The following PTK2 variants were observed in gnomAD, a reference collection of about 807,000 sequenced individuals.
PTK2 encodes the protein protein tyrosine kinase 2.
A neutral mutation model predicts 150.1 loss-of-function variants in PTK2; 45 were observed. That is an observed-to-expected ratio of 0.30 (90% CI 0.24 to 0.38). The LOEUF (loss-of-function observed/expected upper bound fraction) is 0.38. Among genes scored for constraint, PTK2 ranks in the 10% least tolerant of loss-of-function variants. The pLI is 1.00. For synonymous variants in PTK2, 432 were observed against 449.2 expected, an observed-to-expected ratio of 0.96 and a Z score of 0.48; for missense variants, 919 against 1,307.3, an observed-to-expected ratio of 0.70 and a Z score of 4.58.
intron 26 of PTK2, 24 bp from the exon 30 acceptor site, chr8:140,686,718 AAAC>A: frequency 1.3e-6 from 2 of 1,597,290 alleles, no homozygotes; most frequent in South Asian, 2.2e-5. Context: ...AACAAAATCA[AAAC>A]AATTTCATTT....
chr8:140,738,782 T>C (rs1270777247), intron 21 of PTK2, among the ~76,000 whole-genome samples: 1 of 150,266 alleles, frequency 6.7e-6, no homozygotes, highest in Non-Finnish European at 1.5e-5. Context: ...AAAGGAAGAG[T>C]GATGGAAGGA....
At chr8:140,919,101 A>G in intron 2 of PTK2, among the ~76,000 whole-genome samples, 1 of 152,184 alleles carries the variant, frequency 6.6e-6, no homozygotes, top group African/African-American at 2.4e-5. Context: ...GACAGCTCCC[A>G]GGTTTTGTCA....
intron 1 of PTK2, among the ~76,000 whole-genome samples, chr8:140,928,040 C>T (rs11781072): frequency 0.44 from 59,683 of 136,400 alleles, 14,547 homozygotes; most frequent in Non-Finnish European, 0.55. Flanking sequence ...TATCCCTCAT[C>T]ATATCTATAT....
At chr8:140,892,282 C>T (rs1301647751) in intron 2 of PTK2, among the ~76,000 whole-genome samples, 1 of 152,204 alleles carries the variant, frequency 6.6e-6, no homozygotes, top group Non-Finnish European at 1.5e-5. Flanking sequence ...TGCCTATAAT[C>T]CCAACACTTT....
chr8:140,661,216 C>T (rs148409572), intron 31 of PTK2, among the ~76,000 whole-genome samples: 20 of 152,232 alleles, frequency 1.3e-4, no homozygotes, highest in African/African-American at 3.9e-4. Context: ...AGGAGAATGA[C>T]AAAATCTAGA....
At position 140,833,129 on chromosome 8, in the gene PTK2, C is replaced by T. The variant is rs772005213; in HGVS notation, c.594-2603G>A. On this transcript the variant is annotated intron_variant, in intron 7 of 31. Coordinates refer to ENST00000522684, the Ensembl canonical transcript of PTK2. ...AGCATATGTTTTTTGAAAATAAAGA[C>T]GAATACTAGGTATTGCTTTTACTTC... 5.2e-5 allele frequency: 26 copies of T among 502,962 alleles called. 1 individual carries two copies. The highest frequency in any genetic ancestry group is 1.1e-4 in the South Asian group (8 of 69,704). The allele number at this position is 502,962 out of a possible 1,614,324, so 31.2% of individuals were successfully genotyped here.
intron 1 of PTK2, among the ~76,000 whole-genome samples, chr8:140,942,985 G>A (rs185122187): frequency 2.4e-4 from 36 of 152,254 alleles, no homozygotes; most frequent in African/African-American, 8.2e-4. Flanking sequence ...CTCTTGCCAT[G>A]TGACGCATCT....
chr8:140,913,206 A>G (rs1325405994), intron 2 of PTK2, among the ~76,000 whole-genome samples: 3 of 152,332 alleles, frequency 2.0e-5, no homozygotes, highest in Admixed American at 2.0e-4. Context: ...TCAGATCACC[A>G]GAACTAATAA....
rs144619323 is a variant in PTK2, at chr8:140,789,266, T to C, written c.1177+208A>G. ...ACTTGCTGAGTGATCTGGTATTTTA[T>C]CTATGTCCCATCTTAAAAAAAAAAA... is the stretch of plus-strand genomic sequence containing the variant. On this transcript the variant is annotated intron_variant, in intron 14 of 31. Coordinates refer to ENST00000522684, the Ensembl canonical transcript of PTK2. 4.5e-3 allele frequency among the ~76,000 whole-genome samples: 680 copies of C among 150,034 alleles called. 4 individuals are homozygous for C. Among genetic ancestry groups the C allele is most frequent in the African/African-American group, 0.016 (644 of 40,724 alleles).
intron 15 of PTK2, among the ~76,000 whole-genome samples, chr8:140,762,047 A>G (rs2100069703): frequency 6.6e-6 from 1 of 152,112 alleles, no homozygotes; most frequent in Non-Finnish European, 1.5e-5. Context: ...GATTTATTTC[A>G]GGTAAGAAAC....
intron 14 of PTK2, among the ~76,000 whole-genome samples, chr8:140,778,705 C>G (rs547981243): frequency 6.6e-6 from 1 of 152,134 alleles, no homozygotes; most frequent in South Asian, 2.1e-4. Context: ...ACGAGTAGGG[C>G]AGAGATGATG....
At chr8:140,736,291 T>C (rs1417809897) in intron 21 of PTK2, among the ~76,000 whole-genome samples, 2 of 152,218 alleles carry the variant, frequency 1.3e-5, no homozygotes, top group Non-Finnish European at 2.9e-5. Flanking sequence ...AAACACTGCA[T>C]GTTCTCACTT....
intron 31 of PTK2, among the ~76,000 whole-genome samples, chr8:140,661,769 G>C (rs960605530): frequency 6.6e-6 from 1 of 152,150 alleles, no homozygotes; most frequent in Non-Finnish European, 1.5e-5. Flanking sequence ...TTAGGACTGA[G>C]GGGAAAGCAG....
intron 2 of PTK2, among the ~76,000 whole-genome samples, chr8:140,922,835 G>A (rs530184295): frequency 1.3e-5 from 2 of 152,272 alleles, no homozygotes; most frequent in South Asian, 4.2e-4. Flanking sequence ...TACGATGCCA[G>A]GGTCTTCACA....
chr8:140,753,026 G>C (rs1016834038), intron 16 of PTK2, among the ~76,000 whole-genome samples: 4 of 152,204 alleles, frequency 2.6e-5, no homozygotes, highest in African/African-American at 9.6e-5. Context: ...GAAATGGAGA[G>C]CCAAGGTAGG....
At chr8:140,777,729 C>T (rs2100079260) in intron 14 of PTK2, among the ~76,000 whole-genome samples, 1 of 152,114 alleles carries the variant, frequency 6.6e-6, no homozygotes, top group South Asian at 2.1e-4. Flanking sequence ...AGCTTGAGGC[C>T]ACCAATCCTT....
At chr8:140,834,674 C>G (rs1033127342) in intron 7 of PTK2, among the ~76,000 whole-genome samples, 1 of 152,162 alleles carries the variant, frequency 6.6e-6, no homozygotes, top group Non-Finnish European at 1.5e-5. Flanking sequence ...GAGATAATTA[C>G]ATAAACAACT....
At chr8:140,827,203 G>A (rs960043192) in intron 8 of PTK2, among the ~76,000 whole-genome samples, 1 of 152,056 alleles carries the variant, frequency 6.6e-6, no homozygotes, top group Non-Finnish European at 1.5e-5. Flanking sequence ...CAGCATTTAA[G>A]CCCACACCAA....
At chr8:140,788,131 C>T (rs546716931) in intron 14 of PTK2, among the ~76,000 whole-genome samples, 11 of 152,312 alleles carry the variant, frequency 7.2e-5, no homozygotes, top group African/African-American at 1.4e-4. Flanking sequence ...CAAGAAGTCA[C>T]GATTAAGCTT....
Sources: gnomAD v4.1 joint callset for allele counts (sites outside exome capture counted in the v4.1 genomes callset) on GRCh38, gnomAD v4.1.1 for gene constraint, MANE v1.5 for transcripts, NCBI Gene and HGNC (gene_info 2026-07-23, HGNC 2026-07-21) for gene names.